The following LRRC69 variants were observed in gnomAD, a reference collection of about 807,000 sequenced individuals.
The protein encoded by LRRC69 is leucine-rich repeat-containing protein 69.
Under a neutral mutation model 37.8 loss-of-function variants are expected in LRRC69, and 42 were observed. The ratio of observed to expected loss-of-function variants is 1.11; its 90% CI spans 0.87 to 1.44. LRRC69 has a LOEUF of 1.44. Ranked by LOEUF, LRRC69 falls within the 40% of genes most tolerant of loss-of-function variation. The pLI is 0.00. For synonymous variants in LRRC69, 141 were observed against 143.1 expected, an observed-to-expected ratio of 0.99 and a Z score of 0.11; for missense variants, 357 against 401.9, an observed-to-expected ratio of 0.89 and a Z score of 0.96.
At chr8:91,120,504 G>C (rs1161635201) in intron 1 of LRRC69, among the ~76,000 whole-genome samples, 1 of 152,116 alleles carries the variant, frequency 6.6e-6, no homozygotes, top group Admixed American at 6.6e-5. Context: ...TCAGAGCTTT[G>C]GGGCATGCCC....
intron 5 of LRRC69, chr8:91,158,570 C>G: frequency 7.9e-7 from 1 of 1,259,568 alleles, no homozygotes; most frequent in Non-Finnish European, 1.2e-6. Flanking sequence ...GCTTCTAATA[C>G]AAGCACAGGG....
chr8:91,103,816 A>AT (rs1272535222), intron 1 of LRRC69, among the ~76,000 whole-genome samples: 1 of 151,992 alleles, frequency 6.6e-6, no homozygotes, highest in Non-Finnish European at 1.5e-5. Context: ...AGGACTTGGA[A>AT]TTTTTTAATA....
intron 5 of LRRC69, among the ~76,000 whole-genome samples, chr8:91,184,815 G>A (rs1293888208): frequency 3.3e-5 from 5 of 152,194 alleles, no homozygotes; most frequent in Admixed American, 1.3e-4. Context: ...AAGAAAGCCA[G>A]TGTTACCACA....
intron 5 of LRRC69, among the ~76,000 whole-genome samples, chr8:91,152,797 A>G (rs1808764206): frequency 6.6e-6 from 1 of 151,108 alleles, no homozygotes; most frequent in Non-Finnish European, 1.5e-5. Flanking sequence ...TTTCTCTCTT[A>G]TTTCCTTGAG....
intron 5 of LRRC69, among the ~76,000 whole-genome samples, chr8:91,172,401 TC>T (rs556343226): frequency 2.0e-4 from 31 of 152,176 alleles, no homozygotes; most frequent in African/African-American, 6.0e-4. Context: ...TATTATCACT[TC>T]TTTTTCTTGC....
At chr8:91,138,660 GA>G (rs1808467784) in intron 5 of LRRC69, 1 of 151,614 alleles carries the variant, frequency 6.6e-6, no homozygotes, top group African/African-American at 2.4e-5. Flanking sequence ...TAAAAAATTG[GA>G]CTATTATAAA....
At chr8:91,102,778 G>T in exon 1 of LRRC69, 2 of 1,551,942 alleles carry the variant, frequency 1.3e-6, no homozygotes, top group Non-Finnish European at 1.7e-6. Context: ...TGCCTGGCCT[G>T]AAGACTCTAG....
At chr8:91,173,075 T>G (rs1356722073) in intron 5 of LRRC69, among the ~76,000 whole-genome samples, 1 of 151,928 alleles carries the variant, frequency 6.6e-6, no homozygotes, top group Non-Finnish European at 1.5e-5. Context: ...TCCATTTTAT[T>G]TCTCTCTGTT....
chr8:91,142,844 T>C (rs1469517791), intron 5 of LRRC69, among the ~76,000 whole-genome samples: 4 of 152,168 alleles, frequency 2.6e-5, no homozygotes, highest in African/African-American at 9.6e-5. Flanking sequence ...TGTCATGCTA[T>C]ACAAATAAGG....
At chr8:91,159,540 A>G (rs896350800) in intron 5 of LRRC69, among the ~76,000 whole-genome samples, 1 of 151,240 alleles carries the variant, frequency 6.6e-6, no homozygotes, top group Non-Finnish European at 1.5e-5. Context: ...TTATTTTCAC[A>G]TACACTCTAG....
At chr8:91,176,134 A>ATTTTTT (rs771986461) in intron 5 of LRRC69, among the ~76,000 whole-genome samples, 26 of 75,694 alleles carry the variant, frequency 3.4e-4, no homozygotes, top group African/African-American at 1.4e-3. Flanking sequence ...ATATATATAT[A>ATTTTTT]TTTTTTTTTT....
intron 3 of LRRC69, 29 bp from the exon 4 acceptor site, chr8:91,133,081 C>T (rs1444403203): frequency 7.6e-7 from 1 of 1,319,324 alleles, no homozygotes; most frequent in Middle Eastern, 2.5e-4. Flanking sequence ...GAGTTTCATT[C>T]ATATACTTTG....
intron 1 of LRRC69, among the ~76,000 whole-genome samples, chr8:91,116,919 A>G (rs746339128): frequency 2.6e-5 from 4 of 152,088 alleles, no homozygotes; most frequent in Non-Finnish European, 4.4e-5. Context: ...CCTAGATTCT[A>G]TAATCCAAAG....
intron 1 of LRRC69, chr8:91,118,280 G>A (rs1007812630): frequency 1.8e-5 from 8 of 446,726 alleles, no homozygotes; most frequent in East Asian, 7.2e-5. Context: ...TGAGGCAGGC[G>A]GATCACTTGA....
chr8:91,126,749 C>G (rs73697110), intron 2 of LRRC69, among the ~76,000 whole-genome samples: 1 of 151,870 alleles, frequency 6.6e-6, no homozygotes, highest in Middle Eastern at 3.2e-3. Context: ...ATTATAAATA[C>G]GAAAATGAGA....
chr8:91,191,591 G>A (rs1809497097), intron 6 of LRRC69, among the ~76,000 whole-genome samples: 1 of 152,168 alleles, frequency 6.6e-6, no homozygotes, highest in South Asian at 2.1e-4. Context: ...TAAGCAGTTG[G>A]GTTCCAGACT....
At chr8:91,143,803 G>A (rs1808571002) in intron 5 of LRRC69, among the ~76,000 whole-genome samples, 1 of 151,866 alleles carries the variant, frequency 6.6e-6, no homozygotes, top group Admixed American at 6.6e-5. Flanking sequence ...AAAAAAAATG[G>A]AAGCAACTTT....
intron 7 of LRRC69, among the ~76,000 whole-genome samples, chr8:91,216,981 AC>A (rs1174124119): frequency 6.6e-6 from 1 of 152,066 alleles, no homozygotes; most frequent in Admixed American, 6.6e-5. Flanking sequence ...ATTCTAGTCA[AC>A]CTTCAAAACC....
intron 5 of LRRC69, among the ~76,000 whole-genome samples, chr8:91,181,921 C>T (rs938544099): frequency 1.3e-5 from 2 of 152,092 alleles, no homozygotes; most frequent in Non-Finnish European, 2.9e-5. Flanking sequence ...TTTTGTCTTA[C>T]TCTTAAGCAT....
Sources: allele counts gnomAD v4.1 joint callset (sites outside exome capture counted in the v4.1 genomes callset), GRCh38; gene constraint gnomAD v4.1.1; transcripts MANE v1.5; gene names NCBI Gene and HGNC (gene_info 2026-07-23, HGNC 2026-07-21).